Variants in PTPRD observed in about 807,000 individuals in gnomAD.
PTPRD encodes the protein receptor-type tyrosine-protein phosphatase delta.
In PTPRD, 34 loss-of-function variants were observed where a neutral mutation model predicts 214.5. The ratio of observed to expected loss-of-function variants is 0.16; its 90% CI spans 0.12 to 0.21. PTPRD has a LOEUF of 0.21. Among genes scored for constraint, PTPRD ranks in the 10% least tolerant of loss-of-function variants. PTPRD has a pLI of 1.00. For missense variants in PTPRD, 2,545 were observed against 2,398.7 expected (o/e 1.06, Z -1.27); for synonymous variants, 1,128 against 845.7 (o/e 1.33, Z -5.79).
At chr9:8,996,750 A>G (rs1382336742) in intron 11 of PTPRD, among the ~76,000 whole-genome samples, 2 of 152,018 alleles carry the variant, frequency 1.3e-5, no homozygotes, top group Admixed American at 6.6e-5. Flanking sequence ...CTTTAGCCAA[A>G]CAGGCTGAGC....
At chr9:8,331,805 C>A (rs1841449387) in intron 43 of PTPRD, 69 bp from the exon 44 acceptor site, 1 of 1,474,414 alleles carries the variant, frequency 6.8e-7, no homozygotes, top group Non-Finnish European at 9.0e-7. Context: ...GCATACGGAC[C>A]ACAAGAACAA....
At chr9:10,396,260 C>T (rs1304774959) in intron 2 of PTPRD, among the ~76,000 whole-genome samples, 45 of 151,844 alleles carry the variant, frequency 3.0e-4, no homozygotes, top group Non-Finnish European at 4.4e-5. Context: ...TCAGAAATAG[C>T]AAGTTTATTT....
chr9:10,343,038 T>C (rs548866331), intron 2 of PTPRD, among the ~76,000 whole-genome samples: 1 of 152,338 alleles, frequency 6.6e-6, no homozygotes, highest in Non-Finnish European at 1.5e-5. Context: ...GCAGTTTTGA[T>C]ACCTAGGTAC....
intron 3 of PTPRD, among the ~76,000 whole-genome samples, chr9:10,304,897 GA>G (rs34276546): frequency 5.3e-5 from 8 of 151,952 alleles, no homozygotes; most frequent in African/African-American, 1.9e-4. Flanking sequence ...CACAGAATTG[GA>G]AAAAAACTAC....
intron 3 of PTPRD, among the ~76,000 whole-genome samples, chr9:10,171,917 G>A (rs891414910): frequency 6.6e-6 from 1 of 152,098 alleles, no homozygotes; most frequent in African/African-American, 2.4e-5. Flanking sequence ...AGAAAGGACA[G>A]AATCACTCTA....
At chr9:10,605,068 G>A (rs778393299) in intron 2 of PTPRD, among the ~76,000 whole-genome samples, 6 of 151,706 alleles carry the variant, frequency 4.0e-5, no homozygotes, top group Non-Finnish European at 7.4e-5. Context: ...ATTAACTTCA[G>A]CAGTATCTAA....
intron 11 of PTPRD, among the ~76,000 whole-genome samples, chr9:8,754,482 T>C (rs1405072163): frequency 1.3e-5 from 2 of 152,182 alleles, no homozygotes; most frequent in Non-Finnish European, 2.9e-5. Context: ...TATACACAGC[T>C]ATGTCCCTGT....
intron 5 of PTPRD, among the ~76,000 whole-genome samples, chr9:9,925,268 A>G (rs1169516924): frequency 6.6e-6 from 1 of 152,096 alleles, no homozygotes; most frequent in African/African-American, 2.4e-5. Context: ...ACAGGGTAGG[A>G]TAAAATTGTT....
chr9:10,388,315 A>G lies in PTPRD; in HGVS notation c.-599-47298T>C, dbSNP rs556547568. Among the ~76,000 whole-genome samples the G allele has an allele frequency of 5.9e-5, 9 of 151,944 alleles. No individual in the cohort carries two copies. In the East Asian group the frequency reaches 1.8e-3, roughly 30 times the overall value. Reference sequence around the variant, plus strand: ...CTCTTCCCAAATGGAAAGGAAGTACATCCTGAGATAAAATGATTAAAAAGA... The same window carrying G: ...CTCTTCCCAAATGGAAAGGAAGTACGTCCTGAGATAAAATGATTAAAAAGA... On this transcript the variant is annotated intron_variant, in intron 2 of 45. Coordinates refer to ENST00000381196, the MANE Select transcript of PTPRD (RefSeq NM_002839.4).
At chr9:8,924,617 T>C (rs755245599) in intron 11 of PTPRD, among the ~76,000 whole-genome samples, 4 of 152,044 alleles carry the variant, frequency 2.6e-5, no homozygotes, top group Non-Finnish European at 4.4e-5. Flanking sequence ...GATGAGTCCA[T>C]GGAGGCCTCT....
intron 6 of PTPRD, among the ~76,000 whole-genome samples, chr9:9,751,310 T>C (rs2098516752): frequency 6.6e-6 from 1 of 152,108 alleles, no homozygotes; most frequent in Non-Finnish European, 1.5e-5. Flanking sequence ...TTGGAGACAC[T>C]AAGAATTAAC....
chr9:9,661,353 A>T (rs1373619279), intron 7 of PTPRD, among the ~76,000 whole-genome samples: 1 of 151,890 alleles, frequency 6.6e-6, no homozygotes, highest in Non-Finnish European at 1.5e-5. Context: ...TATTTTTTTA[A>T]ATTGCTAAAC....
At chr9:10,118,732 C>A (rs1563929957) in intron 3 of PTPRD, among the ~76,000 whole-genome samples, 3 of 151,448 alleles carry the variant, frequency 2.0e-5, no homozygotes, top group Non-Finnish European at 3.0e-5. Flanking sequence ...GTGCCCTAAT[C>A]GTTGGTATCT....
At chr9:9,424,108 G>C (rs971521956) in intron 8 of PTPRD, among the ~76,000 whole-genome samples, 6 of 152,182 alleles carry the variant, frequency 3.9e-5, no homozygotes, top group African/African-American at 1.4e-4. Context: ...CCAGTGACTA[G>C]TTGATGCAAT....
intron 10 of PTPRD, among the ~76,000 whole-genome samples, chr9:9,164,727 C>G (rs768158947): frequency 2.0e-5 from 3 of 151,914 alleles, no homozygotes; most frequent in African/African-American, 7.2e-5. Flanking sequence ...AAAAATTTCT[C>G]CAAGGCTAGA....
intron 5 of PTPRD, among the ~76,000 whole-genome samples, chr9:9,797,456 A>G (rs1468771036): frequency 6.6e-6 from 1 of 152,084 alleles, no homozygotes; most frequent in African/African-American, 2.4e-5. Context: ...AATAAGGAAA[A>G]CATCAAAGAT....
At position 10,075,464 on chromosome 9, in the gene PTPRD, C is replaced by G. The variant is rs550496878; in HGVS notation, c.-544-41674G>C. The stretch of plus-strand genomic sequence containing the variant: ...TTGTTATTGATATAACTTTTTATAA[C>G]TTATTTGATTTATATACTTTATTAT... On this transcript the variant is annotated intron_variant, in intron 3 of 45. Coordinates refer to ENST00000381196, the MANE Select transcript of PTPRD (RefSeq NM_002839.4). 4.0e-4 allele frequency among the ~76,000 whole-genome samples: 61 copies of G among 151,864 alleles called. No homozygotes were observed. In the South Asian group the frequency reaches 4.8e-3, roughly 12 times the overall value.
At chr9:8,397,459 G>GT (rs1007438161) in intron 36 of PTPRD, among the ~76,000 whole-genome samples, 9 of 152,006 alleles carry the variant, frequency 5.9e-5, no homozygotes, top group Non-Finnish European at 1.0e-4. Context: ...ATTTTCCTAG[G>GT]TTTTTTTGGT....
At chr9:8,410,888 T>C (rs924714921) in intron 35 of PTPRD, among the ~76,000 whole-genome samples, 3 of 152,178 alleles carry the variant, frequency 2.0e-5, no homozygotes, top group Non-Finnish European at 2.9e-5. Context: ...ACTATGCTCA[T>C]AGTAAATCAT....
Sources: gnomAD v4.1 joint callset for allele counts (sites outside exome capture counted in the v4.1 genomes callset) on GRCh38, gnomAD v4.1.1 for gene constraint, MANE v1.5 for transcripts, NCBI Gene and HGNC (gene_info 2026-07-23, HGNC 2026-07-21) for gene names.